The following BANK1 variants were observed in gnomAD, a reference collection of about 807,000 sequenced individuals.
BANK1 encodes the protein B-cell scaffold protein with ankyrin repeats.
Under a neutral mutation model 94.5 loss-of-function variants are expected in BANK1, and 95 were observed. That is an observed-to-expected ratio of 1.00 (90% CI 0.85 to 1.19). BANK1 has a LOEUF of 1.19. Among genes scored for constraint, BANK1 ranks in the 50% most tolerant of loss-of-function variants. The pLI, the probability that BANK1 is intolerant of heterozygous loss-of-function variation, is 0.00. For synonymous variants in BANK1, 334 were observed against 308.4 expected (o/e 1.08, Z -0.87); for missense variants, 987 against 932.2 (o/e 1.06, Z -0.77).
chr4:101,801,490 A>G (rs1725355163), intron 1 of BANK1, among the ~76,000 whole-genome samples: 1 of 152,194 alleles, frequency 6.6e-6, no homozygotes, highest in East Asian at 1.9e-4. Context: ...CTCATGACAT[A>G]TTGTTGAATA....
Position 101,916,452 on chromosome 4 carries a change from T to C in BANK1, c.1010-1541T>C, listed in dbSNP as rs116271245. Among the ~76,000 whole-genome samples, 266 of 152,164 alleles carry C rather than the reference T, an allele frequency of 1.7e-3. 1 individual carries two copies. The highest frequency in any genetic ancestry group is 6.1e-3 in the African/African-American group (252 of 41,570). Reference sequence around the variant, plus strand: ...TAATACTCATCTTACTGTTAAATTCTTGTTTAATGCTTATATTCTAAACTT... The same window carrying C: ...TAATACTCATCTTACTGTTAAATTCCTGTTTAATGCTTATATTCTAAACTT... On this transcript the variant is annotated intron_variant, in intron 6 of 16. Transcript: ENST00000322953.
rs536961936 is a variant in BANK1 at position 101,950,214 on chromosome 4, A to G, written c.1206+32025A>G. 3.9e-5 allele frequency among the ~76,000 whole-genome samples: 6 copies of G among 152,268 alleles called. No homozygotes were observed. In the East Asian group the frequency reaches 9.7e-4, roughly 25 times the overall value. ...CTGGATCTGCTGGTAGAGGTTTTCT[A>G]TTATTATTCTGTTTCTACTTTCTTG... On this transcript the variant is annotated intron_variant, in intron 7 of 16. Coordinates refer to ENST00000322953, the MANE Select transcript of BANK1 (RefSeq NM_017935.5).
At chr4:101,870,293 A>G (rs955993758) in intron 4 of BANK1, among the ~76,000 whole-genome samples, 1 of 151,992 alleles carries the variant, frequency 6.6e-6, no homozygotes, top group African/African-American at 2.4e-5. Context: ...ATGTTTTTAT[A>G]TTTTAAGTTT....
chr4:102,066,424 T>G (rs1728595944), intron 13 of BANK1, among the ~76,000 whole-genome samples: 1 of 152,048 alleles, frequency 6.6e-6, no homozygotes, highest in African/African-American at 2.4e-5. Flanking sequence ...GCCCGGCTAA[T>G]TTTTTCTATT....
intron 7 of BANK1, among the ~76,000 whole-genome samples, chr4:102,000,715 A>G (rs1254416168): frequency 6.6e-6 from 1 of 152,208 alleles, no homozygotes; most frequent in Non-Finnish European, 1.5e-5. Context: ...GGTGGCAAAA[A>G]GCTGATGAAT....
chr4:101,907,615 G>A (rs1215136485), intron 6 of BANK1, among the ~76,000 whole-genome samples: 1 of 152,174 alleles, frequency 6.6e-6, no homozygotes, highest in Non-Finnish European at 1.5e-5. Flanking sequence ...AAGTCAAATT[G>A]TCCCTGTTTG....
chr4:102,026,822 CA>C (rs74429394), intron 9 of BANK1, among the ~76,000 whole-genome samples: 1,157 of 59,772 alleles, frequency 0.019, 3 homozygotes, highest in African/African-American at 0.024. Context: ...GACTCCATCT[CA>C]AAAAAAAAAA....
In BANK1 at chr4:101,855,105, GA is replaced by G; in HGVS notation, c.541del (p.Arg181GlufsTer17). 6.2e-7 allele frequency: 1 copy of G among 1,613,592 alleles called. No homozygotes were observed. The highest frequency in any genetic ancestry group is 1.1e-5 in the South Asian group (1 of 91,060). On this transcript the variant is annotated frameshift_variant, in exon 3 of 17. Transcript: ENST00000322953. LOFTEE classifies it high-confidence loss of function. ...CAAAACATTCTGGGGAAATAAGTGA[GA>G]GAAAGGAAATTGAAGAACTATCAGA... ...RAKHSGEISE[R>X]KEIEELSEAS...
At chr4:101,900,673 TAAATA>T (rs768162284) in intron 6 of BANK1, among the ~76,000 whole-genome samples, 4 of 152,164 alleles carry the variant, frequency 2.6e-5, no homozygotes, top group African/African-American at 4.8e-5. Context: ...TATAAAAATA[TAAATA>T]AAATAAATAT....
chr4:102,022,654 C>T (rs773765737), intron 8 of BANK1, among the ~76,000 whole-genome samples: 29 of 152,190 alleles, frequency 1.9e-4, no homozygotes, highest in Middle Eastern at 3.4e-3. Context: ...ATGTATAGGA[C>T]GCCTTCAATA....
intron 7 of BANK1, among the ~76,000 whole-genome samples, chr4:102,016,478 C>G (rs1219797523): frequency 6.6e-6 from 1 of 152,108 alleles, no homozygotes; most frequent in Admixed American, 6.6e-5. Context: ...TCCTATACCC[C>G]CTCTTCACAT....
intron 5 of BANK1, among the ~76,000 whole-genome samples, chr4:101,877,827 G>A (rs1728547196): frequency 6.6e-6 from 1 of 152,172 alleles, no homozygotes; most frequent in South Asian, 2.1e-4. Context: ...AGAGGTTGCA[G>A]TGAGCCAAGA....
intron 14 of BANK1, 113 bp from the exon 15 acceptor site, chr4:102,072,232 T>G (rs751104751): frequency 3.9e-5 from 34 of 872,676 alleles, no homozygotes; most frequent in Non-Finnish European, 5.6e-5. Flanking sequence ...CTAATAATTT[T>G]TCTTTTCACC....
At position 101,972,229 on chromosome 4, in the gene BANK1, T is replaced by C. The variant is rs375587622; in HGVS notation, c.1207-49285T>C. On this transcript the variant is annotated intron_variant, in intron 7 of 16. Transcript: ENST00000322953. ...AAATTTATTCCTAAGTCTTTTCTTA[T>C]AGCTATTGTAGTTAGGATTCTTCCC... is the stretch of plus-strand genomic sequence containing the variant. 6.8e-4 allele frequency among the ~76,000 whole-genome samples: 103 copies of C among 152,252 alleles called. No individual in the cohort carries two copies. In the East Asian group the frequency reaches 8.5e-3, roughly 13 times the overall value.
chr4:101,995,110 C>T (rs1184679934), intron 7 of BANK1, among the ~76,000 whole-genome samples: 1 of 152,036 alleles, frequency 6.6e-6, no homozygotes, highest in Non-Finnish European at 1.5e-5. Flanking sequence ...CCCCCCACCA[C>T]CTGACAGGCC....
chr4:101,824,479 A>G (rs999808263), intron 1 of BANK1, among the ~76,000 whole-genome samples: 3 of 152,240 alleles, frequency 2.0e-5, no homozygotes, highest in Non-Finnish European at 2.9e-5. Context: ...ATGTTTCACT[A>G]CATTCAAACC....
At chr4:102,040,886 G>T (rs1727680814) in intron 10 of BANK1, among the ~76,000 whole-genome samples, 1 of 152,022 alleles carries the variant, frequency 6.6e-6, no homozygotes, top group South Asian at 2.1e-4. Context: ...GAAAATAAAG[G>T]CCAGAAGGGT....
chr4:101,947,305 A>G (rs980293409), intron 7 of BANK1, among the ~76,000 whole-genome samples: 2 of 54,694 alleles, frequency 3.7e-5, no homozygotes, highest in South Asian at 4.1e-4. Flanking sequence ...ATATATATAT[A>G]TATATATGTA....
chr4:102,044,303 C>A (rs192359065), intron 11 of BANK1, among the ~76,000 whole-genome samples: 1 of 152,042 alleles, frequency 6.6e-6, no homozygotes, highest in East Asian at 1.9e-4. Flanking sequence ...GTTCTTGCGA[C>A]AGTTTACTGA....
Sources: gnomAD v4.1 joint callset for allele counts (sites outside exome capture counted in the v4.1 genomes callset) on GRCh38, gnomAD v4.1.1 for gene constraint, MANE v1.5 for transcripts, NCBI Gene and HGNC (gene_info 2026-07-23, HGNC 2026-07-21) for gene names.